The following SCARA3 variants were observed in gnomAD, a reference collection of about 807,000 sequenced individuals.
SCARA3 encodes cellular stress response gene protein.
In SCARA3, 39 loss-of-function variants were observed where a neutral mutation model predicts 47.0. That is an observed-to-expected ratio of 0.83 (90% CI 0.64 to 1.08). SCARA3 has a LOEUF of 1.08. Among genes scored for constraint, SCARA3 ranks in the 50% least tolerant of loss-of-function variants. SCARA3 has a pLI of 0.00. For missense variants in SCARA3, 724 were observed against 792.3 expected, an observed-to-expected ratio of 0.91 and a Z score of 1.04; for synonymous variants, 356 against 334.1, an observed-to-expected ratio of 1.07 and a Z score of -0.71.
chr8:27,717,232 A>G, the SCARA3 span, among the ~76,000 whole-genome samples: 1 of 152,240 alleles, frequency 6.6e-6, no homozygotes, highest in Non-Finnish European at 1.5e-5. Flanking sequence ...AATTTCCTGG[A>G]AGATTAAAAT....
the SCARA3 span, among the ~76,000 whole-genome samples, chr8:27,711,755 C>CT: frequency 6.6e-6 from 1 of 151,460 alleles, no homozygotes; most frequent in Non-Finnish European, 1.5e-5. Context: ...TAAAATAGAC[C>CT]TTTTTTAGAG....
At chr8:27,678,101 T>G (rs1016833994), downstream of SCARA3, among the ~76,000 whole-genome samples, 36 of 152,070 alleles carry the variant, frequency 2.4e-4, no homozygotes, top group African/African-American at 8.4e-4. Flanking sequence ...ACAAGAAAGT[T>G]CTCAAATCAA....
intron 3 of SCARA3, among the ~76,000 whole-genome samples, chr8:27,654,790 A>C (rs1387086773): frequency 2.6e-5 from 2 of 75,926 alleles, no homozygotes; most frequent in South Asian, 5.1e-4. Context: ...ACTGTCTCAC[A>C]AAAAAAAAAA....
At position 27,671,439 on chromosome 8, in the gene SCARA3, C is replaced by G. The variant is rs565036651; in HGVS notation, c.*88C>G. On this transcript the variant is annotated 3_prime_UTR_variant, in exon 6 of 6. Coordinates refer to ENST00000301904, the MANE Select transcript of SCARA3 (RefSeq NM_016240.3). ...CCCAGAAAGCCTCACCTACAGACAG[C>G]TGTGGTCCTCTGATTCCAATGAGGG... The G allele has an allele frequency of 5.4e-4, 717 of 1,327,540 alleles. No homozygotes were observed. Among genetic ancestry groups the G allele is most frequent in the Non-Finnish European group, 6.6e-4 (686 of 1,044,616 alleles). 82.2% of individuals were successfully genotyped at this position (1,327,540 alleles called of 1,614,324 possible).
At chr8:27,697,850 A>G in the SCARA3 span, among the ~76,000 whole-genome samples, 1 of 152,090 alleles carries the variant, frequency 6.6e-6, no homozygotes, top group African/African-American at 2.4e-5. Flanking sequence ...GCCTTCCACC[A>G]TGATTGTGAG....
the SCARA3 span, among the ~76,000 whole-genome samples, chr8:27,704,734 C>T: frequency 6.6e-6 from 1 of 150,916 alleles, no homozygotes; most frequent in African/African-American, 2.4e-5. Context: ...TTTCATATGA[C>T]TAGTTTCTAG....
At chr8:27,663,162 G>A (rs994585652) in intron 5 of SCARA3, among the ~76,000 whole-genome samples, 2 of 152,032 alleles carry the variant, frequency 1.3e-5, no homozygotes, top group Non-Finnish European at 2.9e-5. Context: ...CAAAATGAAC[G>A]ATCAGGTGCA....
At chr8:27,680,892 A>G (rs561956446), downstream of SCARA3, among the ~76,000 whole-genome samples, 1 of 152,332 alleles carries the variant, frequency 6.6e-6, no homozygotes, top group South Asian at 2.1e-4. Flanking sequence ...TTAAGGAGAA[A>G]AATAATTTGA....
downstream of SCARA3, among the ~76,000 whole-genome samples, chr8:27,673,872 A>G (rs1338577932): frequency 6.6e-6 from 1 of 152,116 alleles, no homozygotes; most frequent in Non-Finnish European, 1.5e-5. Flanking sequence ...GAACTGTGAG[A>G]GCTGGGAGGG....
chr8:27,698,529 A>G, the SCARA3 span, among the ~76,000 whole-genome samples: 1 of 152,236 alleles, frequency 6.6e-6, no homozygotes, highest in Non-Finnish European at 1.5e-5. Flanking sequence ...CCAACGAAAT[A>G]AGACAAACAA....
At chr8:27,720,496 G>A in the SCARA3 span, among the ~76,000 whole-genome samples, 2,900 of 152,226 alleles carry the variant, frequency 0.019, 164 homozygotes, top group East Asian at 0.2. Context: ...CACTATGCAT[G>A]TGGGGCTTCA....
Position 27,634,060 on chromosome 8 carries a change from T to A in SCARA3, c.-141T>A. ...CCTCCGCAGCCCGCGCGCCGGAGCA[T>A]GAGTCCCGGCCGGAGCCCCACGGCC... On this transcript the variant is annotated 5_prime_UTR_variant, in exon 1 of 6. The change abolishes an upstream ATG in the 5' untranslated region. Transcript: ENST00000301904. The A allele has an allele frequency of 3.2e-6, 2 of 627,230 alleles. No homozygotes were observed. The highest frequency in any genetic ancestry group is 4.6e-6 in the Non-Finnish European group (2 of 431,716). 38.9% of individuals were successfully genotyped at this position (627,230 alleles called of 1,614,324 possible).
chr8:27,665,457 G>A (rs1394553679), intron 5 of SCARA3, among the ~76,000 whole-genome samples: 1 of 152,218 alleles, frequency 6.6e-6, no homozygotes, highest in Non-Finnish European at 1.5e-5. Flanking sequence ...GTCCATGCTA[G>A]GACTATCATT....
chr8:27,726,607 G>A, the SCARA3 span, among the ~76,000 whole-genome samples: 3 of 151,996 alleles, frequency 2.0e-5, no homozygotes, highest in African/African-American at 4.8e-5. Context: ...GACTGAGGCA[G>A]GAGAATTGCT....
At chr8:27,679,899 G>A (rs1435117311), downstream of SCARA3, 1 of 152,108 alleles carries the variant, frequency 6.6e-6, no homozygotes, top group African/African-American at 2.4e-5. Context: ...CCTTGTACAA[G>A]GTTGACATGC....
At chr8:27,640,200 C>T (rs959719006) in intron 1 of SCARA3, among the ~76,000 whole-genome samples, 1 of 152,160 alleles carries the variant, frequency 6.6e-6, no homozygotes, top group Non-Finnish European at 1.5e-5. Context: ...CTTTTTATAA[C>T]ACATTTATTA....
chr8:27,667,799 C>T (rs1256745029), intron 5 of SCARA3, among the ~76,000 whole-genome samples: 4 of 152,194 alleles, frequency 2.6e-5, no homozygotes, highest in African/African-American at 2.4e-5. Context: ...ATCCGCCAGC[C>T]GTGACACGGG....
downstream of SCARA3, among the ~76,000 whole-genome samples, chr8:27,681,221 A>C (rs186149284): frequency 6.6e-6 from 1 of 152,212 alleles, no homozygotes; most frequent in Non-Finnish European, 1.5e-5. Flanking sequence ...TTACAAATAA[A>C]TAAATTCCTA....
the SCARA3 span, among the ~76,000 whole-genome samples, chr8:27,707,169 G>A: frequency 1.3e-5 from 2 of 152,152 alleles, no homozygotes. Context: ...CTGCTGATGG[G>A]CATCTTTCCC....
Sources: gnomAD v4.1 joint callset for allele counts (sites outside exome capture counted in the v4.1 genomes callset) on GRCh38, gnomAD v4.1.1 for gene constraint, MANE v1.5 for transcripts, NCBI Gene and HGNC (gene_info 2026-07-23, HGNC 2026-07-21) for gene names.